The following MYO18B variants were observed in gnomAD, a reference collection of about 807,000 sequenced individuals.
MYO18B encodes myosin XVIIIB.
Under a neutral mutation model 273.0 loss-of-function variants are expected in MYO18B, and 204 were observed. That is an observed-to-expected ratio of 0.75 (90% CI 0.67 to 0.84). The LOEUF (loss-of-function observed/expected upper bound fraction) is 0.84. Among genes scored for constraint, MYO18B ranks in the 40% least tolerant of loss-of-function variants. The pLI is 0.00. For missense variants in MYO18B, 3,212 were observed against 3,287.6 expected (o/e 0.98, Z 0.56); for synonymous variants, 1,330 against 1,305.7 (o/e 1.02, Z -0.40).
intron 36 of MYO18B, among the ~76,000 whole-genome samples, chr22:25,948,034 C>T (rs763780439): frequency 4.6e-5 from 7 of 152,144 alleles, no homozygotes; most frequent in African/African-American, 7.2e-5. Flanking sequence ...CTCTGGAGGA[C>T]GTGTCCACCA....
rs759536252 is a variant in MYO18B, at chr22:25,763,316, T to C, written c.125T>C (p.Val42Ala). 1.2e-6 allele frequency: 2 copies of C among 1,613,214 alleles called. No homozygotes were observed. Among genetic ancestry groups the C allele is most frequent in the South Asian group, 2.2e-5 (2 of 90,980 alleles). The change falls in exon 3 of 44, where the codon GTC (valine) becomes GCC (alanine). Residue 42 changes from valine (V) to alanine (A), a missense_variant. Transcript: ENST00000335473. ...VIPGGFIKQL[V>A]RGTEKEAKEA... ...CCAGGGGGCTTCATTAAGCAACTGG[T>C]CCGGGGGACTGAAAAAGAGGCCAAG... is the stretch of plus-strand genomic sequence containing the variant.
chr22:25,910,478 G>C (rs1212493658), intron 32 of MYO18B, among the ~76,000 whole-genome samples: 3 of 152,124 alleles, frequency 2.0e-5, no homozygotes, highest in Non-Finnish European at 4.4e-5. Flanking sequence ...TTCACCATAT[G>C]AATTGTGGAG....
At chr22:25,784,335 T>C (rs2087288828) in intron 10 of MYO18B, among the ~76,000 whole-genome samples, 1 of 152,256 alleles carries the variant, frequency 6.6e-6, no homozygotes, top group Non-Finnish European at 1.5e-5. Flanking sequence ...ACAGAGCACT[T>C]ACTCCATGCC....
intron 34 of MYO18B, among the ~76,000 whole-genome samples, chr22:25,926,098 G>A (rs2092417235): frequency 2.0e-5 from 3 of 150,822 alleles, no homozygotes; most frequent in Admixed American, 6.6e-5. Context: ...CCAGCTACTA[G>A]GAAGGCTGAG....
the MYO18B span, among the ~76,000 whole-genome samples, chr22:26,040,910 G>A: frequency 6.6e-6 from 1 of 152,150 alleles, no homozygotes; most frequent in African/African-American, 2.4e-5. Context: ...AGTAAGGATG[G>A]GAGCCATTTA....
intron 40 of MYO18B, among the ~76,000 whole-genome samples, chr22:25,997,100 ATCACTTGAGG>A (rs925002205): frequency 6.6e-6 from 1 of 151,940 alleles, no homozygotes; most frequent in African/African-American, 2.4e-5. Flanking sequence ...AGGCGGGTGG[ATCACTTGAGG>A]TCAGGAGTTC....
chr22:25,919,927 T>C (rs1469831898), intron 33 of MYO18B, among the ~76,000 whole-genome samples: 1 of 152,216 alleles, frequency 6.6e-6, no homozygotes, highest in Non-Finnish European at 1.5e-5. Context: ...GAATCCATTA[T>C]CACATCTGAT....
chr22:25,918,661 A>G (rs530717607), intron 33 of MYO18B, among the ~76,000 whole-genome samples: 2 of 152,310 alleles, frequency 1.3e-5, no homozygotes, highest in Admixed American at 1.3e-4. Flanking sequence ...AAGATCGTAG[A>G]ATCTGAGCCA....
At chr22:25,937,584 TC>T (rs1443140262) in intron 34 of MYO18B, among the ~76,000 whole-genome samples, 2 of 71,242 alleles carry the variant, frequency 2.8e-5, no homozygotes, top group South Asian at 4.8e-4. Context: ...GGCCTGACAT[TC>T]TTTTTTTTTT....
the MYO18B span, among the ~76,000 whole-genome samples, chr22:26,058,916 T>G: frequency 6.6e-6 from 1 of 152,172 alleles, no homozygotes; most frequent in African/African-American, 2.4e-5. Flanking sequence ...GACTAAGACA[T>G]GGACAAAGCT....
chr22:25,769,178 A>T lies in MYO18B; in HGVS notation c.1262A>T (p.Glu421Val). Residue 421 changes from glutamate (E) to valine (V), a missense_variant, in exon 4 of 44, where the codon GAG becomes GTG. Coordinates refer to ENST00000335473, the MANE Select transcript of MYO18B (RefSeq NM_032608.7). ...GAGAAGGGCTGTGAAGCCCCAAAGGAGGTGAGCACAATGGTGGAGTCGCCA... is the reference window on the plus strand; with the variant it reads ...GAGAAGGGCTGTGAAGCCCCAAAGGTGGTGAGCACAATGGTGGAGTCGCCA... Reference protein sequence around the residue: ...QTEKGCEAPKEVSTMVESPAA... With the variant: ...QTEKGCEAPKVVSTMVESPAA... The T allele has an allele frequency of 6.2e-7, 1 of 1,611,838 alleles. No homozygotes were observed. The highest frequency in any genetic ancestry group is 8.5e-7 in the Non-Finnish European group (1 of 1,179,102).
chr22:25,946,110 C>T (rs1328402359), intron 34 of MYO18B, 27 bp from the exon 35 acceptor site: 1 of 1,210,548 alleles, frequency 8.3e-7, no homozygotes. Context: ...TTCTTTTCTT[C>T]TCTTCTCCAC....
At chr22:25,763,105 C>T (rs2086382338) in intron 2 of MYO18B, 126 bp from the exon 3 acceptor site, 2 of 1,124,538 alleles carry the variant, frequency 1.8e-6, no homozygotes, top group African/African-American at 3.1e-5. Context: ...TGTGGCTTCT[C>T]ATACATGGGC....
chr22:25,808,281 T>C (rs1259213095), intron 12 of MYO18B, among the ~76,000 whole-genome samples: 1 of 152,204 alleles, frequency 6.6e-6, no homozygotes, highest in Non-Finnish European at 1.5e-5. Context: ...CTCTCCAAGT[T>C]TTCCCTGTTC....
At chr22:25,756,034 A>G (rs1403932830) in intron 1 of MYO18B, among the ~76,000 whole-genome samples, 1 of 151,806 alleles carries the variant, frequency 6.6e-6, no homozygotes, top group Non-Finnish European at 1.5e-5. Flanking sequence ...AGTAGCTGGG[A>G]CTACAGGGGC....
chr22:25,991,305 T>C (rs1431240258), intron 39 of MYO18B, among the ~76,000 whole-genome samples: 1 of 152,198 alleles, frequency 6.6e-6, no homozygotes, highest in East Asian at 1.9e-4. Flanking sequence ...ACCCAGGGTT[T>C]CAGACTCAGC....
chr22:25,925,866 T>C (rs575395029), intron 34 of MYO18B, among the ~76,000 whole-genome samples: 3 of 140,860 alleles, frequency 2.1e-5, no homozygotes, highest in Admixed American at 1.5e-4. Flanking sequence ...GATCGCGCCA[T>C]TGCACTCCAG....
intron 2 of MYO18B, among the ~76,000 whole-genome samples, chr22:25,761,370 C>T (rs1017454057): frequency 1.3e-5 from 2 of 148,744 alleles, no homozygotes; most frequent in African/African-American, 5.1e-5. Flanking sequence ...TGGTTGTTTC[C>T]TGTTCCACAG....
In MYO18B at chr22:25,877,942, T is replaced by C. The variant is rs1197114661; in HGVS notation, c.4225-17T>C. Reference sequence around the variant, plus strand: ...TCTGGCCTGGAATGGTTTCTGTTCATGTGTTTGTTTTTGTAGGAGGAGCTT... The same window carrying C: ...TCTGGCCTGGAATGGTTTCTGTTCACGTGTTTGTTTTTGTAGGAGGAGCTT... On this transcript the variant is annotated splice_polypyrimidine_tract_variant and intron_variant, in intron 24 of 43. Coordinates refer to ENST00000335473, the MANE Select transcript of MYO18B (RefSeq NM_032608.7). The C allele has an allele frequency of 5.8e-6, 9 of 1,559,532 alleles. No homozygotes were observed. The highest frequency in any genetic ancestry group is 1.2e-5 in the South Asian group (1 of 84,416).
Sources: gnomAD v4.1 joint callset for allele counts (sites outside exome capture counted in the v4.1 genomes callset) on GRCh38, gnomAD v4.1.1 for gene constraint, MANE v1.5 for transcripts, NCBI Gene and HGNC (gene_info 2026-07-23, HGNC 2026-07-21) for gene names.